Variants in ANXA8 observed in about 807,000 individuals in gnomAD.
ANXA8 encodes the protein annexin A8, also known as VAC-beta.
Under a neutral mutation model 26.8 loss-of-function variants are expected in ANXA8, and 9 were observed. The observed-to-expected ratio is 0.34, with a 90% CI of 0.20 to 0.59. The LOEUF is 0.59. ANXA8 is among the 20% of genes least tolerant of loss of function. The pLI is 0.84. For missense variants in ANXA8, 83 were observed against 238.5 expected, an observed-to-expected ratio of 0.35 and a Z score of 4.29; for synonymous variants, 39 against 94.8, an observed-to-expected ratio of 0.41 and a Z score of 3.42.
chr10:47,615,317 ATTG>A, the ANXA8 span, among the ~76,000 whole-genome samples: 1 of 72,718 alleles, frequency 1.4e-5, no homozygotes, highest in African/African-American at 4.0e-5. Flanking sequence ...TGGAAAATTA[ATTG>A]TTAAGAGAAC....
At chr10:47,474,896 T>G in intron 7 of ANXA8, 49 bp downstream of exon 7, 1 of 1,528,606 alleles carries the variant, frequency 6.5e-7, no homozygotes, top group Non-Finnish European at 8.8e-7. Context: ...GGAGCCGGAG[T>G]CCAGATGGCA....
At chr10:47,977,603 A>C in the ANXA8 span, among the ~76,000 whole-genome samples, 6 of 151,670 alleles carry the variant, frequency 4.0e-5, no homozygotes, top group African/African-American at 1.4e-4. Flanking sequence ...CAAATACAGC[A>C]TATCAATAAA....
upstream of ANXA8, chr10:47,484,229 T>C: frequency 2.8e-6 from 2 of 707,594 alleles, no homozygotes; most frequent in African/African-American, 1.8e-5. Context: ...CTGTTACGCA[T>C]ACTGGAAATT....
chr10:47,926,149 G>A, the ANXA8 span, among the ~76,000 whole-genome samples: 23 of 38,966 alleles, frequency 5.9e-4, 5 homozygotes, highest in East Asian at 7.0e-3. Context: ...TCCTGCCTCA[G>A]CCTCCTGTGT....
chr10:47,978,163 T>C, the ANXA8 span, among the ~76,000 whole-genome samples: 44,732 of 148,888 alleles, frequency 0.3, 2,089 homozygotes, highest in Non-Finnish European at 0.37. Context: ...TGGGATAACA[T>C]ATTAAAAGTA....
At chr10:47,651,854 A>G in the ANXA8 span, among the ~76,000 whole-genome samples, 2 of 151,696 alleles carry the variant, frequency 1.3e-5, no homozygotes, top group Non-Finnish European at 1.5e-5. Flanking sequence ...AGATCATGCC[A>G]TTGCACTCCA....
the ANXA8 span, among the ~76,000 whole-genome samples, chr10:47,510,691 G>A: frequency 2.5e-5 from 3 of 119,156 alleles, no homozygotes; most frequent in East Asian, 7.9e-4. Context: ...TTAGCCGGGC[G>A]TGGTAGCAGG....
the ANXA8 span, among the ~76,000 whole-genome samples, chr10:47,953,731 A>G: frequency 6.7e-6 from 1 of 150,226 alleles, no homozygotes; most frequent in Non-Finnish European, 1.5e-5. Flanking sequence ...AATGGGTAAA[A>G]TATCTGAATA....
chr10:47,733,195 T>TTCTTTCTCTCTCTCTCTC, the ANXA8 span, among the ~76,000 whole-genome samples: 1 of 111,386 alleles, frequency 9.0e-6, no homozygotes, highest in African/African-American at 3.3e-5. Flanking sequence ...CTTTCTTTCT[T>TTCTTTCTCTCTCTCTCTC]TCTTTCTTTC....
the ANXA8 span, among the ~76,000 whole-genome samples, chr10:47,588,153 A>G: frequency 7.0e-6 from 1 of 143,866 alleles, no homozygotes; most frequent in East Asian, 1.9e-4. Context: ...ATTAAAGACT[A>G]CTAACAGGAA....
chr10:47,699,756 C>T, the ANXA8 span, among the ~76,000 whole-genome samples: 1 of 151,496 alleles, frequency 6.6e-6, no homozygotes, highest in Non-Finnish European at 1.5e-5. Flanking sequence ...TGAGCCCAGG[C>T]TGGGGGATGA....
the ANXA8 span, among the ~76,000 whole-genome samples, chr10:47,513,204 T>A: frequency 2.7e-5 from 4 of 149,528 alleles, no homozygotes; most frequent in African/African-American, 9.7e-5. Context: ...CCGGCTAACT[T>A]TTGTATTTTT....
Position 47,473,875 on chromosome 10 carries a change from T to C in ANXA8, c.742+95A>G, listed in dbSNP as rs1370052438. 69 of 291,512 alleles carry C rather than the reference T, an allele frequency of 2.4e-4. 8 individuals carry two copies. The East Asian group carries it at 7.4e-3, about 31-fold the overall frequency. 18.1% of individuals were successfully genotyped at this position (291,512 alleles called of 1,614,324 possible). A position where few individuals can be genotyped will look rare whatever the true frequency, so the allele number is the denominator to read the frequency against. ...TCCCGTGAAGGTGACACAGGGATTC[T>C]TTCTCTTGTGGTCGCATCCCTAGGC... On this transcript the variant is annotated intron_variant, in intron 9 of 11. Coordinates refer to ENST00000585281, the MANE Select transcript of ANXA8 (RefSeq NM_001040084.3).
the ANXA8 span, among the ~76,000 whole-genome samples, chr10:47,528,058 T>C: frequency 7.1e-6 from 1 of 140,214 alleles, no homozygotes; most frequent in Non-Finnish European, 1.5e-5. Context: ...AAAGATCTTT[T>C]GATCACCTTT....
chr10:47,675,578 G>T, the ANXA8 span, among the ~76,000 whole-genome samples: 5 of 151,784 alleles, frequency 3.3e-5, no homozygotes, highest in Admixed American at 6.6e-5. Flanking sequence ...ACCCAGCTCA[G>T]TTACATATTG....
chr10:47,486,145 T>A (rs1305540895), upstream of ANXA8, among the ~76,000 whole-genome samples: 2 of 151,476 alleles, frequency 1.3e-5, no homozygotes, highest in African/African-American at 2.4e-5. Flanking sequence ...TCTAGGATGA[T>A]GAGCAGTGAC....
chr10:47,737,248 CT>C, the ANXA8 span, among the ~76,000 whole-genome samples: 1 of 151,368 alleles, frequency 6.6e-6, no homozygotes, highest in East Asian at 1.9e-4. Flanking sequence ...TAGATAGCTT[CT>C]TTTCTACTAT....
the ANXA8 span, among the ~76,000 whole-genome samples, chr10:47,688,304 G>A: frequency 1.4e-5 from 2 of 148,076 alleles, no homozygotes; most frequent in African/African-American, 2.5e-5. Flanking sequence ...TGTAGAGATG[G>A]TGGTCTTACT....
chr10:47,942,682 C>T, the ANXA8 span, among the ~76,000 whole-genome samples: 3 of 142,342 alleles, frequency 2.1e-5, no homozygotes, highest in Non-Finnish European at 4.5e-5. Context: ...GGGACCTACT[C>T]CTCTGCCTTG....
Sources: gnomAD v4.1 joint callset for allele counts (sites outside exome capture counted in the v4.1 genomes callset) on GRCh38, gnomAD v4.1.1 for gene constraint, MANE v1.5 for transcripts, NCBI Gene and HGNC (gene_info 2026-07-23, HGNC 2026-07-21) for gene names.